SCUBE1: variants seen among roughly 807,000 people sequenced by gnomAD.
The protein encoded by SCUBE1 is signal peptide, CUB domain and EGF like domain containing 1.
In SCUBE1, 59 loss-of-function variants were observed where a neutral mutation model predicts 124.4. The observed-to-expected ratio is 0.47, with a 90% CI of 0.38 to 0.59. The LOEUF is 0.59. SCUBE1 is among the 20% of genes least tolerant of loss of function. SCUBE1 has a pLI of 0.00. For missense variants in SCUBE1, 1,150 were observed against 1,371.2 expected (o/e 0.84, Z 2.55); for synonymous variants, 545 against 550.9 (o/e 0.99, Z 0.15).
At chr22:43,300,310 T>TTA (rs397961746) in intron 3 of SCUBE1, among the ~76,000 whole-genome samples, 7 of 150,904 alleles carry the variant, frequency 4.6e-5, no homozygotes, top group Non-Finnish European at 8.8e-5. Context: ...TTTTTTTTTT[T>TTA]AACAGCCATC....
intron 2 of SCUBE1, among the ~76,000 whole-genome samples, chr22:43,322,540 T>G (rs1025378255): frequency 6.6e-6 from 1 of 152,220 alleles, no homozygotes. Context: ...TTCTACACCC[T>G]TAATATCGTT....
chr22:43,238,632 T>G, intron 7 of SCUBE1: 2 of 650,106 alleles, frequency 3.1e-6, no homozygotes, highest in Non-Finnish European at 5.7e-6. Context: ...CTGTGTTCTC[T>G]CGAACTCTGC....
chr22:43,207,596 T>A lies in SCUBE1; in HGVS notation c.2752A>T (p.Ile918Leu). 1 of 1,613,416 alleles carries A rather than the reference T, an allele frequency of 6.2e-7. No homozygotes were observed. The highest frequency in any genetic ancestry group is 8.5e-7 in the Non-Finnish European group (1 of 1,179,408). ...VTYDEDYQQL[I>L]EDIVRDGRLY... ...CGCCCATCGCGCACGATGTCCTCTA[T>A]GAGTTGCTGGTAGTCCTCTGGGCAG... The change falls in exon 21 of 22, where the codon ATA becomes TTA. Residue 918 changes from isoleucine to leucine, a missense_variant. Coordinates refer to ENST00000360835, the MANE Select transcript of SCUBE1 (RefSeq NM_173050.5).
chr22:43,213,984 C>T (rs988375204), intron 16 of SCUBE1, 106 bp downstream of exon 16: 20 of 1,158,154 alleles, frequency 1.7e-5, no homozygotes, highest in Non-Finnish European at 2.3e-5. Context: ...ACCACACTCT[C>T]TGGCCACACC....
intron 8 of SCUBE1, among the ~76,000 whole-genome samples, chr22:43,230,527 C>T (rs1328364592): frequency 6.6e-6 from 1 of 152,212 alleles, no homozygotes; most frequent in Admixed American, 6.5e-5. Context: ...CTGCCTCTTT[C>T]AGGGGGCAGC....
At chr22:43,327,246 C>T (rs540456036) in intron 2 of SCUBE1, among the ~76,000 whole-genome samples, 1 of 152,278 alleles carries the variant, frequency 6.6e-6, no homozygotes, top group African/African-American at 2.4e-5. Flanking sequence ...CCTGTCCTGC[C>T]TCAGATCACA....
intron 3 of SCUBE1, among the ~76,000 whole-genome samples, chr22:43,300,772 C>T (rs183923887): frequency 6.6e-6 from 1 of 152,182 alleles, no homozygotes; most frequent in African/African-American, 2.4e-5. Flanking sequence ...GCTCTTCCCT[C>T]GCCCCCACCC....
intron 14 of SCUBE1, among the ~76,000 whole-genome samples, chr22:43,219,629 ACACC>A (rs1922001007): frequency 6.6e-6 from 1 of 151,714 alleles, no homozygotes; most frequent in Admixed American, 6.6e-5. Flanking sequence ...GCCTGCCACC[ACACC>A]TGGCTAATTT....
At chr22:43,308,914 A>G (rs1926074426) in intron 3 of SCUBE1, among the ~76,000 whole-genome samples, 1 of 152,264 alleles carries the variant, frequency 6.6e-6, no homozygotes, top group Admixed American at 6.5e-5. Flanking sequence ...CCCAAGTTAC[A>G]AAATAAGAAC....
intron 6 of SCUBE1, among the ~76,000 whole-genome samples, chr22:43,239,438 G>A (rs1053326808): frequency 6.6e-6 from 1 of 152,280 alleles, no homozygotes; most frequent in African/African-American, 2.4e-5. Context: ...CGAGGGGTAG[G>A]TTCTGAGGGC....
At chr22:43,247,459 T>A (rs536426654) in intron 6 of SCUBE1, among the ~76,000 whole-genome samples, 1 of 152,328 alleles carries the variant, frequency 6.6e-6, no homozygotes, top group Admixed American at 6.5e-5. Context: ...TTCTCTGCTC[T>A]AAGAACAAAT....
chr22:43,206,701 T>G (rs934225972), intron 21 of SCUBE1, among the ~76,000 whole-genome samples: 2 of 151,960 alleles, frequency 1.3e-5, no homozygotes, highest in African/African-American at 4.8e-5. Context: ...GGAGCTGCTG[T>G]GGAGGAGGAT....
chr22:43,302,355 A>G (rs1925806139), intron 3 of SCUBE1, among the ~76,000 whole-genome samples: 1 of 152,190 alleles, frequency 6.6e-6, no homozygotes, highest in Non-Finnish European at 1.5e-5. Flanking sequence ...AGCTGGGCAG[A>G]GTTTCAGGAA....
chr22:43,208,161 G>A lies in SCUBE1; in HGVS notation c.2645C>T (p.Thr882Ile). The change falls in exon 20 of 22, where the codon ACC (threonine) becomes ATC (isoleucine). Residue 882 changes from threonine to isoleucine, a missense_variant. Physicochemically the swap from Thr to Ile is moderately conservative, Grantham distance 89 (BLOSUM62 -1). This residue lies in a region of SCUBE1 where 757 missense variants were observed against 840.9 expected (regional missense o/e 0.90). Coordinates refer to ENST00000360835, the MANE Select transcript of SCUBE1 (RefSeq NM_173050.5). ...CQTYERPIAF[T>I]SRSRKLWIQF... The stretch of plus-strand genomic sequence containing the variant: ...GATCCAGAGCTTGCGGGAGCGGGAG[G>A]TGAAGGCGATGGGCCTCTCGTAGGT... The A allele has an allele frequency of 6.2e-7, 1 of 1,614,116 alleles. No individual in the cohort carries two copies. The highest frequency in any genetic ancestry group is 8.5e-7 in the Non-Finnish European group (1 of 1,180,002).
At chr22:43,287,307 C>T (rs1245505394) in intron 4 of SCUBE1, among the ~76,000 whole-genome samples, 1 of 152,234 alleles carries the variant, frequency 6.6e-6, no homozygotes, top group South Asian at 2.1e-4. Context: ...TCAGTCGCTA[C>T]TCCTAGGACA....
Position 43,212,479 on chromosome 22 carries a change from C to G in SCUBE1, c.2167G>C (p.Gly723Arg). ...GTGCCTTCGTGTTTGGTGAGCAAAC[C>G]CCCTCCACAGGGGAAGCAGCCGGTG... The part of the protein sequence containing the change: ...GRTGCFPCGG[G>R]LLTKHEGTTS... Residue 723 changes from glycine (G) to arginine (R), a missense_variant, in exon 17 of 22, where the codon GGT becomes CGT. By Grantham distance (125) the Gly-to-Arg change is moderately radical. Coordinates refer to ENST00000360835, the MANE Select transcript of SCUBE1 (RefSeq NM_173050.5). 6.4e-7 allele frequency: 1 copy of G among 1,554,266 alleles called. No homozygotes were observed. The highest frequency in any genetic ancestry group is 8.7e-7 in the Non-Finnish European group (1 of 1,148,892).
chr22:43,209,227 G>T (rs946922732), intron 19 of SCUBE1, among the ~76,000 whole-genome samples: 1 of 152,156 alleles, frequency 6.6e-6, no homozygotes, highest in Non-Finnish European at 1.5e-5. Context: ...TCATCTGGCC[G>T]GTCTCTGTGG....
chr22:43,225,396 G>C (rs186002601), intron 10 of SCUBE1, among the ~76,000 whole-genome samples: 1 of 151,964 alleles, frequency 6.6e-6, no homozygotes, highest in African/African-American at 2.4e-5. Flanking sequence ...TTATTGTCCC[G>C]GATGATCAGA....
intron 2 of SCUBE1, among the ~76,000 whole-genome samples, chr22:43,324,528 T>G (rs914052492): frequency 6.6e-6 from 1 of 152,212 alleles, no homozygotes; most frequent in African/African-American, 2.4e-5. Flanking sequence ...TTTTCCATGT[T>G]TGTACCTTGA....
Sources: gnomAD v4.1 joint callset for allele counts (sites outside exome capture counted in the v4.1 genomes callset) on GRCh38, gnomAD v4.1.1 for gene constraint, gnomAD v4.1.1 regional missense constraint, MANE v1.5 for transcripts, NCBI Gene and HGNC (gene_info 2026-07-23, HGNC 2026-07-21) for gene names.